CSMD1: variants seen among roughly 807,000 people sequenced by gnomAD.
CSMD1 encodes CUB and sushi domain-containing protein 1.
CSMD1 carries 213 observed loss-of-function variants against 417.5 expected under a neutral mutation model. That is an observed-to-expected ratio of 0.51 (90% CI 0.46 to 0.57). CSMD1 has a LOEUF of 0.57. CSMD1 is among the 20% of genes least tolerant of loss of function. The probability of loss-of-function intolerance (pLI) is 0.00; values close to 1 mark genes in which losing one functional copy is unlikely to be tolerated. For missense variants in CSMD1, 6,923 were observed against 4,529.7 expected (o/e 1.53, Z -15.17); for synonymous variants, 2,862 against 1,736.8 (o/e 1.65, Z -16.11).
intron 1 of CSMD1, among the ~76,000 whole-genome samples, chr8:4,698,730 T>C (rs550477250): frequency 8.3e-4 from 121 of 146,118 alleles, no homozygotes; most frequent in African/African-American, 3.1e-3. Context: ...TCTCCCTTCC[T>C]TCTTACCTAC....
chr8:3,155,928 T>C (rs533441876), intron 39 of CSMD1, among the ~76,000 whole-genome samples: 1 of 152,342 alleles, frequency 6.6e-6, no homozygotes, highest in Non-Finnish European at 1.5e-5. Flanking sequence ...CAATTTCACC[T>C]GCATCCCATG....
chr8:3,739,658 T>C (rs1796694420), intron 6 of CSMD1, among the ~76,000 whole-genome samples: 1 of 152,196 alleles, frequency 6.6e-6, no homozygotes, highest in Non-Finnish European at 1.5e-5. Context: ...GGGAAATCTG[T>C]TAATGTTTAA....
At position 4,039,880 on chromosome 8, in the gene CSMD1, A is replaced by C. The variant is rs114406501; in HGVS notation, c.416-7781T>G. On this transcript the variant is annotated intron_variant, in intron 3 of 69. Transcript: ENST00000635120. The stretch of plus-strand genomic sequence containing the variant: ...GTGATTTTGTAATGTTGGACAAATT[A>C]CTTAGATCTTAGTTTCTACATCTTA... 9.4e-3 allele frequency among the ~76,000 whole-genome samples: 1,431 copies of C among 152,314 alleles called. 28 individuals are homozygous for C. The highest frequency in any genetic ancestry group is 0.033 in the African/African-American group (1,372 of 41,558).
intron 3 of CSMD1, among the ~76,000 whole-genome samples, chr8:4,342,677 G>A (rs1800548083): frequency 6.6e-6 from 1 of 152,030 alleles, no homozygotes; most frequent in African/African-American, 2.4e-5. Context: ...TGAACTGGCT[G>A]CCCAGCGATA....
intron 7 of CSMD1, among the ~76,000 whole-genome samples, chr8:3,618,204 C>T (rs1172814172): frequency 2.0e-5 from 3 of 152,106 alleles, no homozygotes; most frequent in Admixed American, 2.0e-4. Flanking sequence ...TGGAGTCTCA[C>T]TATGTTTCCC....
At chr8:4,041,889 G>C (rs746739745) in intron 3 of CSMD1, among the ~76,000 whole-genome samples, 5 of 152,034 alleles carry the variant, frequency 3.3e-5, no homozygotes, top group African/African-American at 7.2e-5. Flanking sequence ...GATGTTATAA[G>C]GTAGAATAGA....
intron 26 of CSMD1, among the ~76,000 whole-genome samples, chr8:3,262,534 C>G (rs1312423096): frequency 6.8e-6 from 1 of 146,346 alleles, no homozygotes; most frequent in Non-Finnish European, 1.5e-5. Flanking sequence ...TACTTCGGGC[C>G]AAATGAAAAA....
chr8:4,791,055 G>C (rs1563394319), intron 1 of CSMD1, among the ~76,000 whole-genome samples: 1 of 148,480 alleles, frequency 6.7e-6, no homozygotes, highest in Admixed American at 6.7e-5. Flanking sequence ...ACACAAGCTA[G>C]TAGGGAGAGA....
chr8:3,033,659 A>G (rs1810488237), intron 50 of CSMD1, among the ~76,000 whole-genome samples: 2 of 150,296 alleles, frequency 1.3e-5, no homozygotes, highest in African/African-American at 4.8e-5. Flanking sequence ...CGCGGGATTT[A>G]AAACCTAGAT....
intron 4 of CSMD1, among the ~76,000 whole-genome samples, chr8:4,015,957 G>C (rs909090348): frequency 6.6e-6 from 1 of 152,186 alleles, no homozygotes; most frequent in African/African-American, 2.4e-5. Context: ...CAAGAAGGTT[G>C]CCGTTGGAGG....
intron 23 of CSMD1, among the ~76,000 whole-genome samples, chr8:3,322,235 C>G (rs570382438): frequency 1.3e-5 from 2 of 152,068 alleles, no homozygotes; most frequent in Admixed American, 1.3e-4. Flanking sequence ...CCAGCAGGAG[C>G]GGAACATTTT....
intron 3 of CSMD1, among the ~76,000 whole-genome samples, chr8:4,052,996 A>G (rs1798510934): frequency 6.6e-6 from 1 of 152,172 alleles, no homozygotes; most frequent in African/African-American, 2.4e-5. Flanking sequence ...TCTCAGCTAA[A>G]GAAGTGGCCT....
At chr8:4,356,923 T>G (rs1017997431) in intron 3 of CSMD1, among the ~76,000 whole-genome samples, 3 of 152,226 alleles carry the variant, frequency 2.0e-5, no homozygotes, top group Non-Finnish European at 4.4e-5. Flanking sequence ...AACATATTAC[T>G]TTTTAAATGT....
intron 3 of CSMD1, among the ~76,000 whole-genome samples, chr8:4,209,751 C>A (rs13280295): frequency 0.085 from 12,946 of 152,216 alleles, 697 homozygotes; most frequent in South Asian, 0.19. Flanking sequence ...CCTAGCACAG[C>A]AGGACTACAC....
intron 3 of CSMD1, among the ~76,000 whole-genome samples, chr8:4,392,558 TATAA>T (rs1803916110): frequency 6.6e-6 from 1 of 151,986 alleles, no homozygotes; most frequent in African/African-American, 2.4e-5. Flanking sequence ...GAAACTTAAA[TATAA>T]AAACTTGTGT....
chr8:4,849,408 TTTTG>T (rs1801332751), intron 1 of CSMD1, among the ~76,000 whole-genome samples: 1 of 152,028 alleles, frequency 6.6e-6, no homozygotes, highest in East Asian at 1.9e-4. Context: ...AAAAAATACT[TTTTG>T]TAAGTTTGCT....
At chr8:3,358,274 C>G (rs891429306) in intron 21 of CSMD1, among the ~76,000 whole-genome samples, 1 of 152,180 alleles carries the variant, frequency 6.6e-6, no homozygotes, top group Non-Finnish European at 1.5e-5. Flanking sequence ...GTTAATCTCT[C>G]ATCTCCCTTT....
chr8:4,416,864 A>C (rs567672774), intron 3 of CSMD1, among the ~76,000 whole-genome samples: 272 of 152,096 alleles, frequency 1.8e-3, no homozygotes, highest in Non-Finnish European at 2.5e-3. Flanking sequence ...ACATTACACA[A>C]ATAAAATTTA....
chr8:3,591,550 T>C (rs1004012896), intron 8 of CSMD1, among the ~76,000 whole-genome samples: 6 of 152,128 alleles, frequency 3.9e-5, no homozygotes, highest in African/African-American at 1.4e-4. Context: ...AGGAAATGGG[T>C]TGACTTAGCT....
Sources: allele counts gnomAD v4.1 joint callset (sites outside exome capture counted in the v4.1 genomes callset), GRCh38; gene constraint gnomAD v4.1.1; transcripts MANE v1.5; gene names NCBI Gene and HGNC (gene_info 2026-07-23, HGNC 2026-07-21).